The following COL15A1 variants were observed in gnomAD, a reference collection of about 807,000 sequenced individuals.
The protein encoded by COL15A1 is collagen type XV alpha 1 chain, also known as collagen alpha-1(XV) chain.
In COL15A1, 111 loss-of-function variants were observed where a neutral mutation model predicts 165.9. That is an observed-to-expected ratio of 0.67 (90% CI 0.57 to 0.78). COL15A1 has a LOEUF of 0.78. Ranked by LOEUF, COL15A1 falls within the 30% of genes least tolerant of loss-of-function variation. COL15A1 has a pLI of 0.00. For missense variants in COL15A1, 1,745 were observed against 1,789.7 expected, an observed-to-expected ratio of 0.98 and a Z score of 0.45; for synonymous variants, 659 against 674.8, an observed-to-expected ratio of 0.98 and a Z score of 0.36.
At chr9:99,054,048 A>G (rs761348083) in intron 31 of COL15A1, among the ~76,000 whole-genome samples, 9 of 152,182 alleles carry the variant, frequency 5.9e-5, no homozygotes, top group Admixed American at 2.0e-4. Context: ...AGTGTTTCTC[A>G]CTAGTCCTGT....
intron 18 of COL15A1, 52 bp downstream of exon 18, chr9:99,035,206 T>A: frequency 3.8e-6 from 6 of 1,577,252 alleles, no homozygotes; most frequent in Non-Finnish European, 4.3e-6. Flanking sequence ...TAAGGGCTAC[T>A]AGAAAGACCA....
chr9:99,031,316 T>G lies in COL15A1; in HGVS notation c.2044-3233T>G. On this transcript the variant is annotated intron_variant, in intron 16 of 41. Coordinates refer to ENST00000375001, the MANE Select transcript of COL15A1 (RefSeq NM_001855.5). Reference sequence around the variant, plus strand: ...GTAGTGTGTCCCAATAGGAAAACACTGCAAGAGATGGGACCCTTCCCATGC... The same window carrying G: ...GTAGTGTGTCCCAATAGGAAAACACGGCAAGAGATGGGACCCTTCCCATGC... Among the ~76,000 whole-genome samples, 2 of 152,174 alleles carry G rather than the reference T, an allele frequency of 1.3e-5. 1 individual carries two copies. The highest frequency in any genetic ancestry group is 3.9e-4 in the East Asian group (2 of 5,192).
chr9:99,013,550 GAA>G lies in COL15A1; in HGVS notation c.1354-1853_1354-1852del, dbSNP rs77981050. On this transcript the variant is annotated intron_variant, in intron 9 of 41. Transcript: ENST00000375001. ...GGTCCTAAACAATAACTTCCTAGGA[GAA>G]AAAAAAAAAAAAACAGCTAAGACCA... is the stretch of plus-strand genomic sequence containing the variant. Among the ~76,000 whole-genome samples the G allele has an allele frequency of 2.2e-3, 300 of 134,768 alleles. 2 individuals carry two copies. Among genetic ancestry groups the G allele is most frequent in the East Asian group, 0.019 (91 of 4,898 alleles). 88.4% of individuals were successfully genotyped at this position (134,768 alleles called of 152,430 possible).
At chr9:99,045,165 T>C (rs945585586) in intron 26 of COL15A1, among the ~76,000 whole-genome samples, 13 of 152,306 alleles carry the variant, frequency 8.5e-5, no homozygotes, top group Non-Finnish European at 1.6e-4. Flanking sequence ...GCACATTCTG[T>C]AAGCCAAAAC....
At chr9:99,025,225 T>C (rs1035971009) in intron 15 of COL15A1, among the ~76,000 whole-genome samples, 3 of 152,246 alleles carry the variant, frequency 2.0e-5, no homozygotes, top group African/African-American at 4.8e-5. Flanking sequence ...TGCTTTATCA[T>C]AGTCAATACA....
At chr9:98,992,376 G>A (rs1838456937) in intron 5 of COL15A1, among the ~76,000 whole-genome samples, 1 of 152,256 alleles carries the variant, frequency 6.6e-6, no homozygotes, top group South Asian at 2.1e-4. Context: ...CCCAGGGTCG[G>A]TGGCACCGGC....
chr9:99,010,896 A>C (rs1486573261), intron 9 of COL15A1, among the ~76,000 whole-genome samples: 2 of 152,266 alleles, frequency 1.3e-5, no homozygotes, highest in African/African-American at 4.8e-5. Context: ...CAAAGGCAAA[A>C]GAAAAGACCT....
intron 31 of COL15A1, 36 bp from the exon 32 acceptor site, chr9:99,054,540 T>C (rs1825683826): frequency 6.4e-7 from 1 of 1,572,858 alleles, no homozygotes; most frequent in South Asian, 1.2e-5. Context: ...AAGGTGATTT[T>C]CCATTTTTTT....
At chr9:99,019,674 T>C (rs1838995114) in intron 11 of COL15A1, among the ~76,000 whole-genome samples, 1 of 151,712 alleles carries the variant, frequency 6.6e-6, no homozygotes, top group Non-Finnish European at 1.5e-5. Context: ...GTGGCCAGTT[T>C]TCTTCACTTC....
intron 2 of COL15A1, among the ~76,000 whole-genome samples, chr9:98,961,023 G>A (rs1040291506): frequency 2.0e-5 from 3 of 152,224 alleles, no homozygotes; most frequent in African/African-American, 4.8e-5. Context: ...TGGGGAAAGT[G>A]AAACATAGCT....
At chr9:99,053,405 G>A (rs1031566347) in intron 31 of COL15A1, among the ~76,000 whole-genome samples, 2 of 152,194 alleles carry the variant, frequency 1.3e-5, no homozygotes, top group Non-Finnish European at 2.9e-5. Context: ...TGGACCTTGG[G>A]GAGCAGGGGA....
intron 16 of COL15A1, among the ~76,000 whole-genome samples, chr9:99,029,298 A>T (rs762129124): frequency 2.0e-5 from 3 of 152,262 alleles, no homozygotes; most frequent in Non-Finnish European, 4.4e-5. Flanking sequence ...CTGAATTGCC[A>T]GTAATTGCCT....
intron 38 of COL15A1, 27 bp from the exon 39 acceptor site, chr9:99,063,023 T>C (rs750150030): frequency 6.3e-7 from 1 of 1,591,048 alleles, no homozygotes; most frequent in East Asian, 2.3e-5. Flanking sequence ...TATTCAGAAC[T>C]GTTTCTTTTC....
intron 2 of COL15A1, among the ~76,000 whole-genome samples, chr9:98,953,507 C>G (rs953311234): frequency 2.0e-5 from 3 of 152,138 alleles, no homozygotes; most frequent in Non-Finnish European, 4.4e-5. Flanking sequence ...TCAAACTCAA[C>G]CCAATCCAAC....
rs532370183 is a variant in COL15A1, at chr9:99,055,274, G to A, written c.3094G>A (p.Asp1032Asn). The change falls in exon 34 of 42, where the codon GAC becomes AAC. Residue 1032 changes from aspartate to asparagine, a missense_variant. Coordinates refer to ENST00000375001, the MANE Select transcript of COL15A1 (RefSeq NM_001855.5). ...FLNNLKGENGDKGFKGEKGEK... is the reference protein window; with the variant it reads ...FLNNLKGENGNKGFKGEKGEK... ...TCTCTGCTTCCAGGGGGAGAATGGA[G>A]ACAAGGGGTTCAAAGGTGAAAAAGG... is the stretch of plus-strand genomic sequence containing the variant. 3.7e-6 allele frequency: 6 copies of A among 1,612,478 alleles called. No homozygotes were observed. In the South Asian group the frequency reaches 5.5e-5, roughly 15 times the overall value.
intron 32 of COL15A1, 74 bp downstream of exon 32, chr9:99,054,730 C>A: frequency 6.7e-7 from 1 of 1,498,166 alleles, no homozygotes; most frequent in South Asian, 1.3e-5. Context: ...AGAAATGTGA[C>A]CTAGCCAGAG....
intron 2 of COL15A1, among the ~76,000 whole-genome samples, chr9:98,976,081 T>C (rs1049987739): frequency 2.6e-5 from 4 of 152,230 alleles, no homozygotes; most frequent in African/African-American, 9.6e-5. Context: ...AGATGACTAC[T>C]AATGGTCACC....
At chr9:99,042,720 T>C (rs1163167085) in intron 24 of COL15A1, among the ~76,000 whole-genome samples, 1 of 152,256 alleles carries the variant, frequency 6.6e-6, no homozygotes, top group African/African-American at 2.4e-5. Flanking sequence ...ACAGTCTTGG[T>C]CCAAAGTCTC....
intron 9 of COL15A1, among the ~76,000 whole-genome samples, chr9:99,011,830 T>C (rs945625790): frequency 4.6e-5 from 7 of 152,224 alleles, no homozygotes; most frequent in African/African-American, 1.4e-4. Context: ...ACTGCAATAG[T>C]CATTATTTAA....
Sources: allele counts gnomAD v4.1 joint callset (sites outside exome capture counted in the v4.1 genomes callset), GRCh38; gene constraint gnomAD v4.1.1; transcripts MANE v1.5; gene names NCBI Gene and HGNC (gene_info 2026-07-23, HGNC 2026-07-21).